NCKAP5: variants seen among roughly 807,000 people sequenced by gnomAD.
NCKAP5 encodes the protein NCK associated protein 5, also known as nck-associated protein 5.
In NCKAP5, 92 loss-of-function variants were observed where a neutral mutation model predicts 167.0. The observed-to-expected ratio is 0.55, with a 90% confidence interval of 0.47 to 0.66. The LOEUF (loss-of-function observed/expected upper bound fraction) is 0.66. Ranked by LOEUF, NCKAP5 falls within the 30% of genes least tolerant of loss-of-function variation. The pLI is 0.00. For missense variants in NCKAP5, 2,378 were observed against 2,315.0 expected, an observed-to-expected ratio of 1.03 and a Z score of -0.56; for synonymous variants, 891 against 877.4, an observed-to-expected ratio of 1.02 and a Z score of -0.27.
intron 8 of NCKAP5, among the ~76,000 whole-genome samples, chr2:132,962,753 G>C (rs971324733): frequency 6.6e-6 from 1 of 152,080 alleles, no homozygotes; most frequent in Non-Finnish European, 1.5e-5. Flanking sequence ...ACCACGCCTG[G>C]CTAATTTTTT....
chr2:133,391,033 G>A (rs1687363507), intron 3 of NCKAP5: 1 of 152,142 alleles, frequency 6.6e-6, no homozygotes, highest in African/African-American at 2.4e-5. Context: ...AGCCTTCTTT[G>A]ATGTTGATGT....
intron 8 of NCKAP5, among the ~76,000 whole-genome samples, chr2:132,919,739 T>C (rs781059435): frequency 6.6e-6 from 1 of 152,054 alleles, no homozygotes; most frequent in African/African-American, 2.4e-5. Flanking sequence ...AAAGAAAATA[T>C]GATCTCTAGA....
At chr2:132,794,261 TATAGAGAG>T (rs1468269010) in intron 12 of NCKAP5, among the ~76,000 whole-genome samples, 23 of 23,502 alleles carry the variant, frequency 9.8e-4, no homozygotes, top group East Asian at 1.4e-3. Flanking sequence ...TATATATATA[TATAGAGAG>T]AGAGAGAGAG....
intron 16 of NCKAP5, among the ~76,000 whole-genome samples, chr2:132,753,798 G>C (rs992062481): frequency 6.6e-6 from 1 of 152,168 alleles, no homozygotes; most frequent in African/African-American, 2.4e-5. Flanking sequence ...TTGATATTTG[G>C]GTGGCATGCA....
intron 4 of NCKAP5, among the ~76,000 whole-genome samples, chr2:133,245,132 C>A (rs1023097099): frequency 4.6e-5 from 7 of 151,966 alleles, no homozygotes; most frequent in Non-Finnish European, 1.0e-4. Flanking sequence ...CACGTGTATA[C>A]CCAAGAGCCA....
chr2:132,857,113 T>C (rs1412019796), intron 11 of NCKAP5, among the ~76,000 whole-genome samples: 1 of 152,132 alleles, frequency 6.6e-6, no homozygotes, highest in Non-Finnish European at 1.5e-5. Context: ...GTGACATTTT[T>C]GGTAGGGCCA....
At chr2:133,029,153 G>C (rs1473127909) in intron 6 of NCKAP5, among the ~76,000 whole-genome samples, 2 of 152,152 alleles carry the variant, frequency 1.3e-5, no homozygotes, top group African/African-American at 4.8e-5. Flanking sequence ...CTATGTCCTA[G>C]GGAATTGAGG....
chr2:133,359,210 T>C (rs1684932881), intron 3 of NCKAP5, among the ~76,000 whole-genome samples: 1 of 152,232 alleles, frequency 6.6e-6, no homozygotes, highest in East Asian at 1.9e-4. Context: ...TTCCAGATAA[T>C]GCAGTGACTT....
the NCKAP5 span, among the ~76,000 whole-genome samples, chr2:133,584,537 G>A: frequency 6.6e-6 from 1 of 152,164 alleles, no homozygotes; most frequent in Non-Finnish European, 1.5e-5. Flanking sequence ...GGCTGAGGCG[G>A]GTGGATCACT....
chr2:133,439,474 C>G (rs1224847729), intron 3 of NCKAP5, among the ~76,000 whole-genome samples: 1 of 152,186 alleles, frequency 6.6e-6, no homozygotes, highest in African/African-American at 2.4e-5. Flanking sequence ...GAGCAAAGCC[C>G]TATTTCAATG....
intron 11 of NCKAP5, among the ~76,000 whole-genome samples, chr2:132,815,705 G>C (rs559471370): frequency 6.6e-6 from 1 of 152,282 alleles, no homozygotes; most frequent in Non-Finnish European, 1.5e-5. Context: ...GCCAATGGTT[G>C]AGTCACAGAA....
At chr2:133,078,967 T>C (rs2080710235) in intron 6 of NCKAP5, among the ~76,000 whole-genome samples, 1 of 152,170 alleles carries the variant, frequency 6.6e-6, no homozygotes, top group Admixed American at 6.5e-5. Context: ...GATCATAATC[T>C]GGAGGAACGA....
chr2:132,817,691 C>T (rs1334032639), intron 11 of NCKAP5, among the ~76,000 whole-genome samples: 1 of 152,120 alleles, frequency 6.6e-6, no homozygotes, highest in Non-Finnish European at 1.5e-5. Flanking sequence ...CATGTCAGTG[C>T]CTCTGGTAGG....
At chr2:133,577,739 T>C in the NCKAP5 span, among the ~76,000 whole-genome samples, 1 of 152,178 alleles carries the variant, frequency 6.6e-6, no homozygotes, top group Non-Finnish European at 1.5e-5. Flanking sequence ...ATTGCCCTCA[T>C]GTTCAATTTC....
chr2:133,225,367 C>T (rs1319159014), intron 4 of NCKAP5, among the ~76,000 whole-genome samples: 2 of 152,138 alleles, frequency 1.3e-5, no homozygotes, highest in African/African-American at 4.8e-5. Flanking sequence ...ATTATCTATG[C>T]CTCTGAAATC....
At chr2:133,342,810 C>G (rs1683689023) in intron 3 of NCKAP5, among the ~76,000 whole-genome samples, 1 of 152,224 alleles carries the variant, frequency 6.6e-6, no homozygotes, top group Non-Finnish European at 1.5e-5. Context: ...ACACAAGGGA[C>G]TTCTTGACAG....
intron 4 of NCKAP5, among the ~76,000 whole-genome samples, chr2:133,217,768 C>A (rs961180852): frequency 2.6e-5 from 4 of 152,208 alleles, no homozygotes; most frequent in African/African-American, 9.6e-5. Context: ...ACTTGCCTGG[C>A]ATAACAGAAT....
chr2:133,392,011 C>T (rs548086502), intron 3 of NCKAP5, among the ~76,000 whole-genome samples: 1 of 152,282 alleles, frequency 6.6e-6, no homozygotes, highest in African/African-American at 2.4e-5. Context: ...TTTTATCATG[C>T]TGTCTTCTCT....
At chr2:132,741,356 C>T (rs531577035) in intron 16 of NCKAP5, among the ~76,000 whole-genome samples, 2 of 152,200 alleles carry the variant, frequency 1.3e-5, no homozygotes, top group South Asian at 2.1e-4. Flanking sequence ...TGCTAATATG[C>T]CTCTCTTGAA....
Sources: allele counts gnomAD v4.1 joint callset (sites outside exome capture counted in the v4.1 genomes callset), GRCh38; gene constraint gnomAD v4.1.1; transcripts MANE v1.5; gene names NCBI Gene and HGNC (gene_info 2026-07-23, HGNC 2026-07-21).